LRRC27: variants seen among roughly 807,000 people sequenced by gnomAD.
LRRC27 encodes leucine-rich repeat-containing protein 27.
Under a neutral mutation model 55.0 loss-of-function variants are expected in LRRC27, and 57 were observed. That is an observed-to-expected ratio of 1.04 (90% CI 0.84 to 1.29). LRRC27 has a LOEUF of 1.29. Among genes scored for constraint, LRRC27 ranks in the 50% most tolerant of loss-of-function variants. The pLI is 0.00. For synonymous variants in LRRC27, 278 were observed against 251.9 expected, an observed-to-expected ratio of 1.10 and a Z score of -0.98; for missense variants, 721 against 651.5, an observed-to-expected ratio of 1.11 and a Z score of -1.16.
At chr10:132,355,025 G>A (rs1435213794) in intron 7 of LRRC27, among the ~76,000 whole-genome samples, 1 of 152,240 alleles carries the variant, frequency 6.6e-6, no homozygotes, top group African/African-American at 2.4e-5. Flanking sequence ...TGAGGAGGGA[G>A]CATGTGACTC....
intron 9 of LRRC27, among the ~76,000 whole-genome samples, chr10:132,363,735 G>A (rs760221442): frequency 4.6e-5 from 7 of 152,152 alleles, no homozygotes; most frequent in Non-Finnish European, 8.8e-5. Context: ...GCTGCTCAGC[G>A]TACGTCTGCC....
Position 132,365,455 on chromosome 10 carries a change from A to G in LRRC27, c.1321A>G (p.Ile441Val). ...GCAGGAGAGAAATTTAGAAGAGAAG[A>G]TAAAACAGCACGTCCTCCAAATGCG... ...ALQERNLEEK[I>V]KQHVLQMREQ... Residue 441 changes from isoleucine (I) to valine (V), a missense_variant, in exon 10 of 11, where the codon ATA becomes GTA. By Grantham distance (29) the Ile-to-Val change is conservative. Coordinates refer to ENST00000368614, the MANE Select transcript of LRRC27 (RefSeq NM_030626.3). 6.2e-7 allele frequency: 1 copy of G among 1,613,780 alleles called. No homozygotes were observed. The highest frequency in any genetic ancestry group is 8.5e-7 in the Non-Finnish European group (1 of 1,179,984).
intron 4 of LRRC27, among the ~76,000 whole-genome samples, chr10:132,342,925 A>G (rs974898434): frequency 1.3e-5 from 2 of 152,218 alleles, no homozygotes; most frequent in African/African-American, 2.4e-5. Context: ...AGACATGTAT[A>G]CGCATGTATA....
At chr10:132,371,251 C>T (rs1042812846) in intron 10 of LRRC27, among the ~76,000 whole-genome samples, 4 of 152,222 alleles carry the variant, frequency 2.6e-5, no homozygotes, top group African/African-American at 9.7e-5. Context: ...ACCCGGGAGC[C>T]TGGCCTGTGG....
intron 8 of LRRC27, among the ~76,000 whole-genome samples, chr10:132,356,962 G>A (rs2068338730): frequency 6.6e-6 from 1 of 152,238 alleles, no homozygotes; most frequent in African/African-American, 2.4e-5. Flanking sequence ...CTGGGGTAAG[G>A]CCCCCAAGGG....
At chr10:132,345,524 G>A (rs1256073489) in intron 5 of LRRC27, among the ~76,000 whole-genome samples, 3 of 152,212 alleles carry the variant, frequency 2.0e-5, no homozygotes, top group Non-Finnish European at 2.9e-5. Context: ...AGGTTATAGT[G>A]GCTGCATTGG....
At chr10:132,344,760 C>A in intron 5 of LRRC27, 110 bp downstream of exon 5, 1 of 1,212,000 alleles carries the variant, frequency 8.3e-7, no homozygotes, top group Non-Finnish European at 1.2e-6. Flanking sequence ...AATACAGGAG[C>A]CATGGGTCCT....
intron 9 of LRRC27, 48 bp downstream of exon 9, chr10:132,361,623 AC>A: frequency 3.8e-6 from 5 of 1,332,936 alleles, no homozygotes; most frequent in Non-Finnish European, 5.4e-6. Flanking sequence ...TCAGCCAGCC[AC>A]CCACGGGCAG....
rs771427512 is a variant in LRRC27 at position 132,348,195 on chromosome 10, C to T, written c.765C>T (p.Ser255=). ...CGGACTCCTCAGAGAACTGGCCCAG[C>T]GAGGAGGAGATCAGGCGCTTTTGGA... ...KSADSSENWP[S]EEEIRRFWKL... The change falls in exon 6 of 11, where the codon AGC becomes AGT. Residue 255 remains serine, a synonymous_variant. Transcript: ENST00000368614. The surrounding 1 kb of genome is among the most constrained non-coding windows in gnomAD (Gnocchi z 4.2). The T allele has an allele frequency of 2.7e-5, 44 of 1,613,886 alleles. No individual in the cohort carries two copies. Among genetic ancestry groups the T allele is most frequent in the Non-Finnish European group, 3.4e-5 (40 of 1,180,048 alleles).
chr10:132,331,677 C>CT, upstream of LRRC27: 1 of 1,612,786 alleles, frequency 6.2e-7, no homozygotes, highest in Middle Eastern at 1.7e-4. Context: ...TTCTGCTCGG[C>CT]TGTCCTCGAG....
chr10:132,355,543 C>T (rs558060687), intron 7 of LRRC27, among the ~76,000 whole-genome samples: 21 of 152,338 alleles, frequency 1.4e-4, no homozygotes, highest in African/African-American at 5.1e-4. Context: ...GGTTGGCCCC[C>T]AGCATCAGTC....
At chr10:132,354,853 A>G (rs1256800147) in intron 7 of LRRC27, among the ~76,000 whole-genome samples, 2 of 152,206 alleles carry the variant, frequency 1.3e-5, no homozygotes, top group Non-Finnish European at 2.9e-5. Flanking sequence ...TACCAACCAC[A>G]GGAGTCCTGC....
At chr10:132,363,689 C>T (rs1005219705) in intron 9 of LRRC27, among the ~76,000 whole-genome samples, 1 of 151,684 alleles carries the variant, frequency 6.6e-6, no homozygotes, top group East Asian at 1.9e-4. Flanking sequence ...ACCGTGGGGC[C>T]TGAGCTTGGA....
intron 9 of LRRC27, among the ~76,000 whole-genome samples, chr10:132,364,208 C>G (rs2133060745): frequency 6.6e-6 from 1 of 152,046 alleles, no homozygotes; most frequent in East Asian, 1.9e-4. Flanking sequence ...GCAAGCAAAA[C>G]CGGCACAAAC....
chr10:132,351,397 A>G, intron 6 of LRRC27: 1 of 611,820 alleles, frequency 1.6e-6, no homozygotes, highest in South Asian at 2.1e-5. Context: ...GCGCGTTGGG[A>G]CAGTGTCCTG....
chr10:132,333,175 C>T (rs1280223747), intron 1 of LRRC27, among the ~76,000 whole-genome samples: 1 of 152,180 alleles, frequency 6.6e-6, no homozygotes, highest in African/African-American at 2.4e-5. Context: ...GATTTACAGG[C>T]TTTGAAATGT....
At chr10:132,340,276 T>G (rs1481908181) in intron 3 of LRRC27, among the ~76,000 whole-genome samples, 1 of 152,232 alleles carries the variant, frequency 6.6e-6, no homozygotes, top group African/African-American at 2.4e-5. Flanking sequence ...TAAAGTGTGC[T>G]CAGAATATTT....
Position 132,375,480 on chromosome 10 carries a change from C to G in LRRC27, c.*238C>G. On this transcript the variant is annotated 3_prime_UTR_variant, in exon 11 of 11. Transcript: ENST00000368614. ...TGAGCACGTGGTCTCGCCTTCCCTT[C>G]TTCCTGCAGGTTCCCGCCAAGCCAT... 2.3e-6 allele frequency: 1 copy of G among 435,194 alleles called. No homozygotes were observed. Among genetic ancestry groups the G allele is most frequent in the Non-Finnish European group, 4.1e-6 (1 of 243,654 alleles). 27.0% of individuals were successfully genotyped at this position (435,194 alleles called of 1,614,324 possible).
chr10:132,379,255 C>T lies in LRRC27; in HGVS notation c.*4013C>T, dbSNP rs916408094. On this transcript the variant is annotated 3_prime_UTR_variant, in exon 11 of 11. Coordinates refer to ENST00000368614, the MANE Select transcript of LRRC27 (RefSeq NM_030626.3). ...GCGTGGTCTCAGATCCCATCCTGCT[C>T]CTCTCCAGAGTTTCCTCTCACCTCC... The T allele has an allele frequency of 1.6e-4, 24 of 148,422 alleles. No homozygotes were observed. Among genetic ancestry groups the T allele is most frequent in the African/African-American group, 6.1e-4 (24 of 39,364 alleles). The allele number at this position is 148,422 out of a possible 1,614,324, so 9.2% of individuals were successfully genotyped here.
Sources: gnomAD v4.1 joint callset for allele counts (sites outside exome capture counted in the v4.1 genomes callset) on GRCh38, gnomAD v4.1.1 for gene constraint, Gnocchi (gnomAD v3.1) non-coding constraint, MANE v1.5 for transcripts, NCBI Gene and HGNC (gene_info 2026-07-23, HGNC 2026-07-21) for gene names.